The following RFX2 variants were observed in gnomAD, a reference collection of about 807,000 sequenced individuals.
The protein encoded by RFX2 is DNA-binding protein RFX2.
Under a neutral mutation model 87.8 loss-of-function variants are expected in RFX2, and 20 were observed. The observed-to-expected ratio is 0.23, with a 90% CI of 0.16 to 0.33. The LOEUF (loss-of-function observed/expected upper bound fraction) is 0.33. Among genes scored for constraint, RFX2 ranks in the 10% least tolerant of loss-of-function variants. The probability of loss-of-function intolerance (pLI) is 1.00; values close to 1 mark genes in which losing one functional copy is unlikely to be tolerated. For missense variants in RFX2, 767 were observed against 1,012.3 expected (o/e 0.76, Z 3.29); for synonymous variants, 397 against 431.3 (o/e 0.92, Z 0.98).
chr19:6,049,664 G>A (rs28524792), intron 1 of RFX2, among the ~76,000 whole-genome samples: 5,876 of 152,240 alleles, frequency 0.039, 276 homozygotes, highest in African/African-American at 0.11. Flanking sequence ...GAATAGACGA[G>A]ATTACAGGCA....
At chr19:6,088,594 C>A (rs1217051512) in intron 1 of RFX2, among the ~76,000 whole-genome samples, 1 of 152,100 alleles carries the variant, frequency 6.6e-6, no homozygotes, top group Non-Finnish European at 1.5e-5. Context: ...GCCAAAGACT[C>A]TTCTTTAATT....
intron 1 of RFX2, among the ~76,000 whole-genome samples, chr19:6,057,484 T>G (rs540227897): frequency 6.6e-6 from 1 of 152,340 alleles, no homozygotes; most frequent in South Asian, 2.1e-4. Context: ...ATATGCCAAA[T>G]GGAGCTGTCA....
chr19:6,076,879 A>C (rs1199491452), intron 1 of RFX2: 1 of 152,184 alleles, frequency 6.6e-6, no homozygotes, highest in Non-Finnish European at 1.5e-5. Flanking sequence ...GGGGTTTGTC[A>C]TTTTAACCAA....
chr19:6,099,450 T>A (rs909291143), intron 1 of RFX2, among the ~76,000 whole-genome samples: 2 of 152,184 alleles, frequency 1.3e-5, no homozygotes, highest in African/African-American at 4.8e-5. Context: ...AGCTGGAATG[T>A]TAATTGAGAT....
Position 6,004,435 on chromosome 19 carries a change from A to G in RFX2, c.1403-137T>C, listed in dbSNP as rs2086548537. The G allele has an allele frequency of 1.0e-5, 7 of 701,914 alleles. No individual in the cohort carries two copies. In the South Asian group the frequency reaches 1.1e-4, roughly 11 times the overall value. The allele number at this position is 701,914 out of a possible 1,614,324, so 43.5% of individuals were successfully genotyped here. A position where few individuals can be genotyped will look rare whatever the true frequency, so the allele number is the denominator to read the frequency against. On this transcript the variant is annotated intron_variant, in intron 12 of 17. Transcript: ENST00000303657. The surrounding 1 kb of genome is among the most constrained non-coding windows in gnomAD (Gnocchi z 4.8). ...GAACGAGCCACACAGGCGACGGGGA[A>G]CCGAGGACACTTAGAAACGGGAAGA...
rs1036619340 is a variant in RFX2, at chr19:5,998,473, C to T, written c.1860-1260G>A. On this transcript the variant is annotated intron_variant, in intron 15 of 17. Coordinates refer to ENST00000303657, the MANE Select transcript of RFX2 (RefSeq NM_000635.4). This position sits in a 1 kb window ranked among gnomAD's most constrained non-coding sequence, Gnocchi z 4.2. ...TTTCATAAACTCTGTTACGTCTAAT[C>T]GGTATCGAGCGATAAAAAGAAGACA... is the stretch of plus-strand genomic sequence containing the variant. Among the ~76,000 whole-genome samples, 1 of 152,200 alleles carries T rather than the reference C, an allele frequency of 6.6e-6. No homozygotes were observed. Among genetic ancestry groups the T allele is most frequent in the Non-Finnish European group, 1.5e-5 (1 of 68,042 alleles).
At chr19:6,031,668 G>C (rs1339984511) in intron 5 of RFX2, among the ~76,000 whole-genome samples, 1 of 151,956 alleles carries the variant, frequency 6.6e-6, no homozygotes, top group Non-Finnish European at 1.5e-5. Flanking sequence ...GACCTCAAGT[G>C]ATCCACCCGC....
chr19:6,034,760 G>T (rs1413371571), intron 5 of RFX2, among the ~76,000 whole-genome samples: 1 of 152,214 alleles, frequency 6.6e-6, no homozygotes, highest in Non-Finnish European at 1.5e-5. Context: ...GCGTGGAGGT[G>T]CCATGGGCCT....
At position 5,996,670 on chromosome 19, in the gene RFX2, G is replaced by A. The variant is rs532762397; in HGVS notation, c.2013+390C>T. 7.2e-5 allele frequency among the ~76,000 whole-genome samples: 11 copies of A among 152,350 alleles called. No homozygotes were observed. In the South Asian group the frequency reaches 8.3e-4, roughly 11 times the overall value. On this transcript the variant is annotated intron_variant, in intron 16 of 17. Transcript: ENST00000303657. ...TGTGCTAAGCGCCACTTGATTGTGC[G>A]CTTTCACGTGGAAATCTCTCCCTAT...
In RFX2 at chr19:6,004,745, A is replaced by G. The variant is rs1413064189; in HGVS notation, c.1403-447T>C. Among the ~76,000 whole-genome samples the G allele has an allele frequency of 6.6e-6, 1 of 152,134 alleles. No homozygotes were observed. The highest frequency in any genetic ancestry group is 1.5e-5 in the Non-Finnish European group (1 of 68,020). The stretch of plus-strand genomic sequence containing the variant: ...CACACACACGTAAATACATTCTACC[A>G]ACTTCCTAATTTATTTTAAAGTGGG... On this transcript the variant is annotated intron_variant, in intron 12 of 17. Transcript: ENST00000303657. The surrounding 1 kb of genome is among the most constrained non-coding windows in gnomAD (Gnocchi z 4.8).
At chr19:6,076,472 G>A (rs987456528) in intron 1 of RFX2, among the ~76,000 whole-genome samples, 1 of 152,224 alleles carries the variant, frequency 6.6e-6, no homozygotes, top group Non-Finnish European at 1.5e-5. Context: ...CCTGGGTCCA[G>A]TTCCTGGGTC....
At chr19:6,000,944 T>C (rs1348825631) in intron 15 of RFX2, among the ~76,000 whole-genome samples, 1 of 152,218 alleles carries the variant, frequency 6.6e-6, no homozygotes, top group Non-Finnish European at 1.5e-5. Context: ...ACATTTTCCA[T>C]GTACTCAGGG....
chr19:6,000,341 C>T (rs921795394), intron 15 of RFX2, among the ~76,000 whole-genome samples: 1 of 152,216 alleles, frequency 6.6e-6, no homozygotes, highest in Non-Finnish European at 1.5e-5. Context: ...TTGTAGCCAA[C>T]AGTCAAACTG....
intron 17 of RFX2, 81 bp downstream of exon 17, chr19:5,995,520 A>C: frequency 7.2e-7 from 1 of 1,380,022 alleles, no homozygotes; most frequent in South Asian, 1.2e-5. Context: ...CCTGTTCATC[A>C]TGAGATGGGG....
chr19:6,076,749 A>G (rs75295812), intron 1 of RFX2, among the ~76,000 whole-genome samples: 1 of 152,244 alleles, frequency 6.6e-6, no homozygotes, highest in African/African-American at 2.4e-5. Context: ...ATCTGAAACT[A>G]AAAGCAGTTA....
At position 6,008,175 on chromosome 19, in the gene RFX2, G is replaced by A. The variant is rs2086610407; in HGVS notation, c.1065C>T (p.Phe355=). Residue 355 remains phenylalanine (F), a synonymous_variant, in exon 10 of 18, where the codon TTC becomes TTT. Coordinates refer to ENST00000303657, the MANE Select transcript of RFX2 (RefSeq NM_000635.4). ...GCAGTGTGACGCCGTCCTGCAGCAG[G>A]AAGCTGCCCAGGTCGGGCGCTGGGA... ...PEFPAPDLGS[F]LLQDGVTLHD... 6.4e-7 allele frequency: 1 copy of A among 1,561,452 alleles called. No individual in the cohort carries two copies. The highest frequency in any genetic ancestry group is 8.7e-7 in the Non-Finnish European group (1 of 1,151,046).
At chr19:6,025,678 T>A (rs561800495) in intron 6 of RFX2, among the ~76,000 whole-genome samples, 1 of 152,298 alleles carries the variant, frequency 6.6e-6, no homozygotes, top group East Asian at 1.9e-4. Context: ...TGATTTCTCC[T>A]TCATTGCTGA....
rs533777100 is a variant in RFX2, at chr19:6,010,984, C to T, written c.900-733G>A. The stretch of plus-strand genomic sequence containing the variant: ...ATACAAAATTAGCTGGGCGTGGTGG[C>T]GCATGCCTTTAATCCCAGCGACTCA... On this transcript the variant is annotated intron_variant, in intron 8 of 17. Transcript: ENST00000303657. The surrounding 1 kb of genome is among the most constrained non-coding windows in gnomAD (Gnocchi z 5.0). 1.6e-4 allele frequency among the ~76,000 whole-genome samples: 24 copies of T among 152,062 alleles called. No homozygotes were observed. The South Asian group carries it at 4.2e-3, about 26-fold the overall frequency.
intron 1 of RFX2, among the ~76,000 whole-genome samples, chr19:6,067,353 C>T (rs72991058): frequency 2.3e-3 from 351 of 152,308 alleles, no homozygotes; most frequent in Admixed American, 4.1e-3. Context: ...ACTGACTCAG[C>T]GTCAGAAATG....
Sources: gnomAD v4.1 joint callset for allele counts (sites outside exome capture counted in the v4.1 genomes callset) on GRCh38, gnomAD v4.1.1 for gene constraint, Gnocchi (gnomAD v3.1) non-coding constraint, MANE v1.5 for transcripts, NCBI Gene and HGNC (gene_info 2026-07-23, HGNC 2026-07-21) for gene names.